Variants in ANKRD44 observed in about 807,000 individuals in gnomAD.
The protein encoded by ANKRD44 is ankyrin repeat domain 44.
In ANKRD44, 35 loss-of-function variants were observed where a neutral mutation model predicts 116.0. The observed-to-expected ratio is 0.30, with a 90% CI of 0.23 to 0.40. ANKRD44 has a LOEUF of 0.40. ANKRD44 is among the 10% of genes least tolerant of loss of function. The pLI is 1.00. For synonymous variants in ANKRD44, 435 were observed against 461.8 expected (o/e 0.94, Z 0.74); for missense variants, 1,014 against 1,242.6 (o/e 0.82, Z 2.77).
At chr2:197,139,848 T>TTG (rs71012957) in intron 3 of ANKRD44, among the ~76,000 whole-genome samples, 3,259 of 131,620 alleles carry the variant, frequency 0.025, 54 homozygotes, top group South Asian at 0.032. Flanking sequence ...TAAGCTGCTT[T>TTG]TGTGTGTGTG....
chr2:197,025,044 G>A (rs1159044542), intron 17 of ANKRD44, 152 bp downstream of exon 17: 1 of 651,498 alleles, frequency 1.5e-6, no homozygotes, highest in East Asian at 2.6e-5. Flanking sequence ...AGGCGAGGCA[G>A]TCTGTCTCCA....
Position 197,292,086 on chromosome 2 carries a change from T to G in ANKRD44, c.27+18492A>C, listed in dbSNP as rs138195789. ...ATCCAGTCTATCAGTGATGGACATTTGAATTGGTTCCAAGTCTTTGCTATT... is the reference window on the plus strand; with the variant it reads ...ATCCAGTCTATCAGTGATGGACATTGGAATTGGTTCCAAGTCTTTGCTATT... On this transcript the variant is annotated intron_variant, in intron 1 of 27. Transcript: ENST00000282272. Among the ~76,000 whole-genome samples the G allele has an allele frequency of 2.9e-3, 435 of 152,368 alleles. 2 individuals carry two copies. The highest frequency in any genetic ancestry group is 0.01 in the African/African-American group (424 of 41,596).
At chr2:197,198,688 G>C (rs989179169) in intron 1 of ANKRD44, among the ~76,000 whole-genome samples, 2 of 152,122 alleles carry the variant, frequency 1.3e-5, no homozygotes, top group African/African-American at 4.8e-5. Flanking sequence ...AGCTACTCGG[G>C]AGGCTGAAGC....
Position 197,203,481 on chromosome 2 carries a change from C to T in ANKRD44, c.28-16375G>A, listed in dbSNP as rs1485526259. On this transcript the variant is annotated intron_variant, in intron 1 of 27. Coordinates refer to ENST00000282272, the MANE Select transcript of ANKRD44 (RefSeq NM_001195144.2). This position sits in a 1 kb window ranked among gnomAD's most constrained non-coding sequence, Gnocchi z 4.1. ...TGGGAAGAATGTGAAGAAATTGGAACATTGCTGATTGGAATGTATAATAGT... is the reference window on the plus strand; with the variant it reads ...TGGGAAGAATGTGAAGAAATTGGAATATTGCTGATTGGAATGTATAATAGT... Among the ~76,000 whole-genome samples the T allele has an allele frequency of 6.6e-6, 1 of 152,112 alleles. No homozygotes were observed. Among genetic ancestry groups the T allele is most frequent in the Non-Finnish European group, 1.5e-5 (1 of 68,024 alleles).
chr2:197,267,409 C>T (rs901768754), intron 1 of ANKRD44, among the ~76,000 whole-genome samples: 30 of 152,250 alleles, frequency 2.0e-4, no homozygotes, highest in Admixed American at 1.8e-3. Context: ...TTATTGTGCA[C>T]GTAAAAGCCA....
intron 16 of ANKRD44, among the ~76,000 whole-genome samples, chr2:197,031,665 T>A (rs1008322507): frequency 6.6e-6 from 1 of 152,236 alleles, no homozygotes; most frequent in Non-Finnish European, 1.5e-5. Context: ...ATGTTAGGAT[T>A]TTTTGGTAAA....
intron 2 of ANKRD44, among the ~76,000 whole-genome samples, chr2:197,163,855 T>C (rs2080031452): frequency 6.6e-6 from 1 of 152,192 alleles, no homozygotes; most frequent in African/African-American, 2.4e-5. Context: ...CTGGAACTCC[T>C]GACTTCAGGT....
At chr2:197,035,435 T>C (rs2076790359) in intron 16 of ANKRD44, among the ~76,000 whole-genome samples, 1 of 152,190 alleles carries the variant, frequency 6.6e-6, no homozygotes, top group South Asian at 2.1e-4. Flanking sequence ...CTCTTTCATG[T>C]TGCTTCTAAA....
intron 1 of ANKRD44, among the ~76,000 whole-genome samples, chr2:197,293,816 C>G (rs1217605191): frequency 6.6e-6 from 1 of 152,176 alleles, no homozygotes; most frequent in Non-Finnish European, 1.5e-5. Flanking sequence ...GTGATACATT[C>G]TAATCTGGAT....
chr2:196,990,851 C>A, intron 27 of ANKRD44: 1 of 1,232,466 alleles, frequency 8.1e-7, no homozygotes, highest in Non-Finnish European at 1.0e-6. Flanking sequence ...GAGAAAAAGG[C>A]ATCATGGTAG....
chr2:197,271,918 T>C (rs13027001), intron 1 of ANKRD44, among the ~76,000 whole-genome samples: 50,147 of 152,014 alleles, frequency 0.33, 10,244 homozygotes, highest in East Asian at 0.64. Context: ...TTTAAAACTG[T>C]CTTAGAGGGC....
intron 2 of ANKRD44, among the ~76,000 whole-genome samples, chr2:197,186,035 A>C (rs1559133138): frequency 6.6e-6 from 1 of 152,232 alleles, no homozygotes; most frequent in Admixed American, 6.5e-5. Flanking sequence ...AACTGTATTT[A>C]TGAACACCAA....
chr2:197,103,717 TAGA>T (rs1174463713), intron 9 of ANKRD44, among the ~76,000 whole-genome samples: 1 of 152,184 alleles, frequency 6.6e-6, no homozygotes, highest in Non-Finnish European at 1.5e-5. Context: ...GTAGAAAATT[TAGA>T]AGATGTAGTA....
intron 1 of ANKRD44, among the ~76,000 whole-genome samples, chr2:197,247,767 T>G (rs982499059): frequency 6.6e-6 from 1 of 152,166 alleles, no homozygotes; most frequent in African/African-American, 2.4e-5. Context: ...GGGTCCCAGC[T>G]GTGAAGAGTG....
chr2:197,305,402 A>C (rs1213823335), intron 1 of ANKRD44, among the ~76,000 whole-genome samples: 1 of 152,242 alleles, frequency 6.6e-6, no homozygotes, highest in Non-Finnish European at 1.5e-5. Context: ...AAATCACAAA[A>C]TTATCAGATC....
intron 11 of ANKRD44, 129 bp from the exon 12 acceptor site, chr2:197,088,903 G>A (rs1443539822): frequency 4.2e-6 from 4 of 953,142 alleles, no homozygotes; most frequent in Admixed American, 5.4e-5. Flanking sequence ...AGCAATTGTA[G>A]TCAGAAAGAG....
downstream of ANKRD44, among the ~76,000 whole-genome samples, chr2:196,984,697 G>A (rs113158757): frequency 3.3e-5 from 5 of 152,266 alleles, 1 homozygote; most frequent in African/African-American, 1.2e-4. Flanking sequence ...CTCTGCTTAT[G>A]AGAACACAAT....
At chr2:196,968,273 C>T (rs956100047) in intron 21 of ANKRD44, among the ~76,000 whole-genome samples, 1 of 152,152 alleles carries the variant, frequency 6.6e-6, no homozygotes, top group African/African-American at 2.4e-5. Flanking sequence ...ATTAGATTTC[C>T]TCAAGGATGT....
At chr2:197,087,658 T>C (rs551616843) in intron 12 of ANKRD44, among the ~76,000 whole-genome samples, 4 of 152,336 alleles carry the variant, frequency 2.6e-5, no homozygotes, top group African/African-American at 9.6e-5. Flanking sequence ...TATAGCCACC[T>C]TCTCAGAGAA....
Sources: allele counts gnomAD v4.1 joint callset (sites outside exome capture counted in the v4.1 genomes callset), GRCh38; gene constraint gnomAD v4.1.1; non-coding constraint Gnocchi (gnomAD v3.1); transcripts MANE v1.5; gene names NCBI Gene and HGNC (gene_info 2026-07-23, HGNC 2026-07-21).